The following RHOBTB3 variants were observed in gnomAD, a reference collection of about 807,000 sequenced individuals.
RHOBTB3 encodes the protein Rho related BTB domain containing 3.
Under a neutral mutation model 67.2 loss-of-function variants are expected in RHOBTB3, and 47 were observed. The observed-to-expected ratio is 0.70, with a 90% CI of 0.55 to 0.89. The LOEUF (loss-of-function observed/expected upper bound fraction) is 0.89. RHOBTB3 is among the 40% of genes least tolerant of loss of function. RHOBTB3 has a pLI of 0.00. For missense variants in RHOBTB3, 631 were observed against 750.0 expected (o/e 0.84, Z 1.85); for synonymous variants, 273 against 274.2 (o/e 1.00, Z 0.04).
chr5:95,768,526 A>G (rs940215100), intron 8 of RHOBTB3, among the ~76,000 whole-genome samples: 1 of 152,122 alleles, frequency 6.6e-6, no homozygotes, highest in African/African-American at 2.4e-5. Context: ...AAATTATTTT[A>G]TCTCTAGCTT....
chr5:95,775,018 G>C (rs904437705), intron 8 of RHOBTB3, among the ~76,000 whole-genome samples: 1 of 152,168 alleles, frequency 6.6e-6, no homozygotes, highest in Non-Finnish European at 1.5e-5. Context: ...CTTGCCACAT[G>C]ATGGTAGAGC....
intron 1 of RHOBTB3, among the ~76,000 whole-genome samples, chr5:95,723,423 T>C (rs969837897): frequency 6.6e-6 from 1 of 152,188 alleles, no homozygotes; most frequent in Non-Finnish European, 1.5e-5. Context: ...CTGGGAAGAA[T>C]GACCCAGGGA....
In RHOBTB3 at chr5:95,783,570, AAAAAAAAAAAAAAAAG is replaced by A; in HGVS notation, c.1457-224_1457-209del. On this transcript the variant is annotated intron_variant, in intron 9 of 11. Transcript: ENST00000379982. ...GTGAGACCTGTCTCTACAAAAAAAA[AAAAAAAAAAAAAAAAG>A]AAGAAGAAGAAAGGAAAGAAAAAAA... 9.6e-5 allele frequency: 14 copies of A among 145,546 alleles called. No homozygotes were observed. In the South Asian group the frequency reaches 2.8e-3, roughly 30 times the overall value. 9.0% of individuals were successfully genotyped at this position (145,546 alleles called of 1,614,324 possible).
At chr5:95,786,540 A>G (rs1169124018) in intron 10 of RHOBTB3, among the ~76,000 whole-genome samples, 2 of 152,068 alleles carry the variant, frequency 1.3e-5, no homozygotes, top group Non-Finnish European at 2.9e-5. Flanking sequence ...CCGTATCTCT[A>G]CTCCTGTTTA....
chr5:95,748,236 A>C (rs1289520625), intron 3 of RHOBTB3, 97 bp from the exon 4 acceptor site: 7 of 809,098 alleles, frequency 8.7e-6, no homozygotes, highest in Non-Finnish European at 1.3e-5. Flanking sequence ...CTGTGGCTCT[A>C]GTATGAGCTC....
chr5:95,757,709 C>T (rs1006842899), intron 6 of RHOBTB3, among the ~76,000 whole-genome samples: 3 of 152,184 alleles, frequency 2.0e-5, no homozygotes, highest in Admixed American at 6.5e-5. Context: ...GAATGTGGTG[C>T]TAGGTTAGTG....
intron 10 of RHOBTB3, among the ~76,000 whole-genome samples, chr5:95,787,480 G>GT (rs980557611): frequency 2.7e-5 from 4 of 150,456 alleles, no homozygotes; most frequent in African/African-American, 9.8e-5. Flanking sequence ...ATATCCTTGA[G>GT]TTTTTTTATT....
At chr5:95,761,680 A>G (rs1310742891) in intron 6 of RHOBTB3, among the ~76,000 whole-genome samples, 1 of 152,116 alleles carries the variant, frequency 6.6e-6, no homozygotes, top group Non-Finnish European at 1.5e-5. Context: ...AGGCCCAGAA[A>G]TTCTAATTCA....
intron 8 of RHOBTB3, chr5:95,770,221 G>A (rs1745667679): frequency 3.3e-6 from 1 of 301,024 alleles, no homozygotes; most frequent in Non-Finnish European, 6.9e-6. Context: ...TGTGCTGAAG[G>A]TTGGTGTAAC....
intron 6 of RHOBTB3, among the ~76,000 whole-genome samples, chr5:95,758,975 TG>T (rs781292991): frequency 2.0e-5 from 3 of 152,122 alleles, no homozygotes; most frequent in Non-Finnish European, 4.4e-5. Flanking sequence ...AAAGTAAAAA[TG>T]GGGTGAGCTG....
rs965370823 is a variant in RHOBTB3 at position 95,795,079 on chromosome 5, G to A, written c.*1905G>A. ...ATCGCACCACTGCACTCCAGCCTGG[G>A]TGACAAGAGCGAAACTCCATCTCAA... is the stretch of plus-strand genomic sequence containing the variant. On this transcript the variant is annotated 3_prime_UTR_variant, in exon 12 of 12. Transcript: ENST00000379982. 2.8e-5 allele frequency: 4 copies of A among 143,940 alleles called. No individual in the cohort carries two copies. In the Admixed American group the frequency reaches 2.8e-4, roughly 10 times the overall value. The allele number at this position is 143,940 out of a possible 1,614,324, so 8.9% of individuals were successfully genotyped here.
At chr5:95,751,815 G>A (rs907328468) in intron 4 of RHOBTB3, among the ~76,000 whole-genome samples, 1 of 152,160 alleles carries the variant, frequency 6.6e-6, no homozygotes, top group Non-Finnish European at 1.5e-5. Flanking sequence ...CTGTTAGTTC[G>A]TTTAGGATAA....
chr5:95,775,981 G>A (rs1408676477), intron 8 of RHOBTB3, among the ~76,000 whole-genome samples: 1 of 151,988 alleles, frequency 6.6e-6, no homozygotes, highest in African/African-American at 2.4e-5. Flanking sequence ...TATTTATGAT[G>A]CAAAATACAC....
At chr5:95,753,038 A>G (rs1312939184) in intron 5 of RHOBTB3, among the ~76,000 whole-genome samples, 1 of 152,142 alleles carries the variant, frequency 6.6e-6, no homozygotes, top group Non-Finnish European at 1.5e-5. Flanking sequence ...AGGCTGAGGC[A>G]GGAGAATGAC....
intron 8 of RHOBTB3, among the ~76,000 whole-genome samples, chr5:95,778,485 CTGAG>C (rs1745956811): frequency 6.6e-6 from 1 of 151,272 alleles, no homozygotes; most frequent in African/African-American, 2.4e-5. Flanking sequence ...GCTAACTGTA[CTGAG>C]TGTTTTGTTG....
At chr5:95,766,857 T>C (rs1465109467) in intron 7 of RHOBTB3, among the ~76,000 whole-genome samples, 1 of 152,154 alleles carries the variant, frequency 6.6e-6, no homozygotes, top group Non-Finnish European at 1.5e-5. Context: ...AGGAAACTCT[T>C]TATAGGTTCT....
Position 95,748,266 on chromosome 5 carries a change from A to G in RHOBTB3, c.416-67A>G. The G allele has an allele frequency of 2.4e-6, 3 of 1,226,134 alleles. No individual in the cohort carries two copies. The East Asian group carries it at 7.4e-5, about 30-fold the overall frequency. The allele number at this position is 1,226,134 out of a possible 1,614,324, so 76.0% of individuals were successfully genotyped here. ...GAGCTCTTTGTTGTTTAATGTTCAG[A>G]TTGTCTGTGTACCTTTTTTTTCCTG... On this transcript the variant is annotated intron_variant, in intron 3 of 11. Coordinates refer to ENST00000379982, the MANE Select transcript of RHOBTB3 (RefSeq NM_014899.4).
chr5:95,721,977 T>C (rs1477688146), intron 1 of RHOBTB3, among the ~76,000 whole-genome samples: 1 of 152,200 alleles, frequency 6.6e-6, no homozygotes, highest in African/African-American at 2.4e-5. Context: ...TAAAATCATT[T>C]TTAACTGTAG....
At chr5:95,740,600 A>C (rs1032865657) in intron 3 of RHOBTB3, among the ~76,000 whole-genome samples, 2 of 152,204 alleles carry the variant, frequency 1.3e-5, no homozygotes, top group Non-Finnish European at 2.9e-5. Context: ...GGGGCTTGGA[A>C]AGGATCCACA....
Sources: allele counts gnomAD v4.1 joint callset (sites outside exome capture counted in the v4.1 genomes callset), GRCh38; gene constraint gnomAD v4.1.1; transcripts MANE v1.5; gene names NCBI Gene and HGNC (gene_info 2026-07-23, HGNC 2026-07-21).